The following PCDH7 variants were observed in gnomAD, a reference collection of about 807,000 sequenced individuals.
PCDH7 encodes protocadherin 7.
PCDH7 carries 17 observed loss-of-function variants against 58.9 expected under a neutral mutation model. That is an observed-to-expected ratio of 0.29 (90% CI 0.20 to 0.43). PCDH7 has a LOEUF of 0.43. PCDH7 is among the 20% of genes least tolerant of loss of function. PCDH7 has a pLI of 1.00. For missense variants in PCDH7, 1,274 were observed against 1,441.0 expected (o/e 0.88, Z 1.88); for synonymous variants, 664 against 616.4 (o/e 1.08, Z -1.14).
intron 2 of PCDH7, among the ~76,000 whole-genome samples, chr4:30,927,947 T>C (rs1744098807): frequency 6.6e-6 from 1 of 152,222 alleles, no homozygotes; most frequent in Non-Finnish European, 1.5e-5. Flanking sequence ...ATCTTGACTG[T>C]TTAAGTATAT....
chr4:30,818,061 G>C (rs1027539612), intron 1 of PCDH7, among the ~76,000 whole-genome samples: 1 of 152,070 alleles, frequency 6.6e-6, no homozygotes, highest in Non-Finnish European at 1.5e-5. Flanking sequence ...GTCCCTGTCT[G>C]GGATCTGTAC....
intron 1 of PCDH7, among the ~76,000 whole-genome samples, chr4:30,849,462 C>T (rs1311624472): frequency 6.6e-6 from 1 of 151,448 alleles, no homozygotes; most frequent in Non-Finnish European, 1.5e-5. Flanking sequence ...CACTGTATCA[C>T]AGGACAGATC....
intron 1 of PCDH7, among the ~76,000 whole-genome samples, chr4:30,901,877 C>T (rs183108965): frequency 2.4e-4 from 36 of 152,204 alleles, no homozygotes; most frequent in African/African-American, 7.9e-4. Context: ...TATCAGTGCT[C>T]TTATCAATAT....
At chr4:31,056,737 G>T (rs779392784) in intron 3 of PCDH7, among the ~76,000 whole-genome samples, 7 of 148,888 alleles carry the variant, frequency 4.7e-5, no homozygotes, top group Non-Finnish European at 7.4e-5. Context: ...AAAGAGAAAC[G>T]AAAGCAAAGA....
chr4:30,771,706 G>A (rs1380141358), intron 1 of PCDH7, among the ~76,000 whole-genome samples: 1 of 152,032 alleles, frequency 6.6e-6, no homozygotes, highest in Non-Finnish European at 1.5e-5. Flanking sequence ...TTTAATGATT[G>A]CAGACACCGG....
chr4:30,920,358 A>G (rs1158159583), exon 2 of PCDH7: 1 of 1,367,264 alleles, frequency 7.3e-7, no homozygotes, highest in Non-Finnish European at 9.8e-7. Context: ...GAGGCAGAGC[A>G]TATGGAAAAT....
At chr4:31,144,642 T>C (rs1164270505), downstream of PCDH7, 1 of 152,162 alleles carries the variant, frequency 6.6e-6, no homozygotes, top group Non-Finnish European at 1.5e-5. Context: ...GGAATATAGG[T>C]TGATAATTCA....
At chr4:30,802,452 T>C (rs1725643315) in intron 1 of PCDH7, among the ~76,000 whole-genome samples, 1 of 151,776 alleles carries the variant, frequency 6.6e-6, no homozygotes, top group South Asian at 2.1e-4. Flanking sequence ...GGTTTGTGGG[T>C]TGAAAAAAAG....
intron 3 of PCDH7, among the ~76,000 whole-genome samples, chr4:30,996,966 ACT>A (rs1175965264): frequency 3.3e-5 from 5 of 152,134 alleles, no homozygotes; most frequent in African/African-American, 1.2e-4. Flanking sequence ...CTGCCTATTT[ACT>A]CTGTTTATTG....
chr4:31,134,876 T>C (rs990057806), intron 3 of PCDH7, among the ~76,000 whole-genome samples: 3 of 152,154 alleles, frequency 2.0e-5, no homozygotes, highest in Non-Finnish European at 2.9e-5. Context: ...AATGCAAAGT[T>C]GTGACCTCTT....
chr4:30,746,136 T>G (rs1209288221), intron 1 of PCDH7, among the ~76,000 whole-genome samples: 1 of 152,186 alleles, frequency 6.6e-6, no homozygotes, highest in East Asian at 1.9e-4. Flanking sequence ...GCTAAAGAGA[T>G]ATTATTTTTA....
chr4:30,930,082 A>G (rs930912609), intron 2 of PCDH7, among the ~76,000 whole-genome samples: 4 of 152,216 alleles, frequency 2.6e-5, no homozygotes, highest in Admixed American at 2.6e-4. Flanking sequence ...AAAGGCGTGT[A>G]CAGATTTGAT....
intron 3 of PCDH7, among the ~76,000 whole-genome samples, chr4:30,987,965 C>T (rs1751124890): frequency 6.6e-6 from 1 of 152,044 alleles, no homozygotes; most frequent in Non-Finnish European, 1.5e-5. Context: ...ATGGTGGTCA[C>T]TCACCAGGTC....
intron 3 of PCDH7, chr4:30,987,921 A>C (rs1275741954): frequency 6.6e-6 from 1 of 152,074 alleles, no homozygotes; most frequent in Admixed American, 6.6e-5. Flanking sequence ...ATATTAGGGG[A>C]CATTTAATTT....
At chr4:31,028,707 A>G (rs1754650465) in intron 3 of PCDH7, among the ~76,000 whole-genome samples, 1 of 152,112 alleles carries the variant, frequency 6.6e-6, no homozygotes, top group Admixed American at 6.6e-5. Flanking sequence ...AAAGGTATTG[A>G]GGTAACATTT....
chr4:30,971,230 G>T (rs148185649), intron 3 of PCDH7, among the ~76,000 whole-genome samples: 1 of 152,258 alleles, frequency 6.6e-6, no homozygotes, highest in East Asian at 1.9e-4. Flanking sequence ...ATAATAAGCA[G>T]TATCTTAAGA....
At chr4:31,048,914 T>C (rs1756512334) in intron 3 of PCDH7, among the ~76,000 whole-genome samples, 1 of 152,080 alleles carries the variant, frequency 6.6e-6, no homozygotes, top group Non-Finnish European at 1.5e-5. Flanking sequence ...AATAAAAGTA[T>C]AGTCAGGACA....
chr4:31,116,704 C>T (rs1042490668), intron 3 of PCDH7, among the ~76,000 whole-genome samples: 3 of 152,186 alleles, frequency 2.0e-5, no homozygotes, highest in African/African-American at 4.8e-5. Context: ...AGAATTAATA[C>T]AACTGTAAAA....
intron 3 of PCDH7, among the ~76,000 whole-genome samples, chr4:31,082,200 GC>G (rs1463371305): frequency 6.6e-6 from 1 of 152,156 alleles, no homozygotes; most frequent in Non-Finnish European, 1.5e-5. Flanking sequence ...AGATACAAGT[GC>G]TAAGTGAATC....
Sources: allele counts gnomAD v4.1 joint callset (sites outside exome capture counted in the v4.1 genomes callset), GRCh38; gene constraint gnomAD v4.1.1; transcripts MANE v1.5; gene names NCBI Gene and HGNC (gene_info 2026-07-23, HGNC 2026-07-21).